Variants in EFCAB8 observed in about 807,000 individuals in gnomAD.
EFCAB8 encodes the protein EF-hand calcium binding domain 8, also known as EF-hand calcium-binding domain-containing protein 8.
In EFCAB8, 100 loss-of-function variants were observed where a neutral mutation model predicts 116.3. That is an observed-to-expected ratio of 0.86 (90% CI 0.73 to 1.02). The LOEUF is 1.02. Ranked by LOEUF, EFCAB8 falls within the 50% of genes least tolerant of loss-of-function variation. The probability of loss-of-function intolerance (pLI) is 0.00; values close to 1 mark genes in which losing one functional copy is unlikely to be tolerated. For missense variants in EFCAB8, 1,320 were observed against 1,416.9 expected, an observed-to-expected ratio of 0.93 and a Z score of 1.10; for synonymous variants, 558 against 567.9, an observed-to-expected ratio of 0.98 and a Z score of 0.25.
chr20:32,872,438 A>G (rs11700082), intron 3 of EFCAB8, among the ~76,000 whole-genome samples: 62,338 of 152,124 alleles, frequency 0.41, 15,240 homozygotes, highest in Non-Finnish European at 0.55. Flanking sequence ...CAACAGGCTC[A>G]TGCCTGCCAT....
At position 32,899,335 on chromosome 20, in the gene EFCAB8, G is replaced by A. The variant is rs955890901; in HGVS notation, c.1088+712G>A. On this transcript the variant is annotated intron_variant, in intron 11 of 26. Coordinates refer to ENST00000400522, the MANE Select transcript of EFCAB8 (RefSeq NM_001143967.2). ...CAGGAGAATGGTGTGAACCCAGGAG[G>A]TGGAGCTTGCAGTGAGCCGAGATTG... Among the ~76,000 whole-genome samples, 100 of 150,272 alleles carry A rather than the reference G, an allele frequency of 6.7e-4. 1 individual carries two copies. The highest frequency in any genetic ancestry group is 1.4e-3 in the Non-Finnish European group (92 of 67,776).
chr20:32,910,260 G>A lies in EFCAB8; in HGVS notation c.1557+329G>A, dbSNP rs974905120. Among the ~76,000 whole-genome samples, 11 of 152,190 alleles carry A rather than the reference G, an allele frequency of 7.2e-5. 1 individual carries two copies. Among genetic ancestry groups the A allele is most frequent in the South Asian group, 4.1e-4 (2 of 4,836 alleles). ...TGAGACAGAGTGCTAGTTGTGGGGCGCTTTCCTAGGTTCCCAGAGTGGGTG... is the reference window on the plus strand; with the variant it reads ...TGAGACAGAGTGCTAGTTGTGGGGCACTTTCCTAGGTTCCCAGAGTGGGTG... On this transcript the variant is annotated intron_variant, in intron 15 of 26. Coordinates refer to ENST00000400522, the MANE Select transcript of EFCAB8 (RefSeq NM_001143967.2).
intron 20 of EFCAB8, among the ~76,000 whole-genome samples, chr20:32,922,399 A>G (rs932609326): frequency 6.6e-6 from 1 of 152,206 alleles, no homozygotes; most frequent in Non-Finnish European, 1.5e-5. Context: ...CTTTTGGGCT[A>G]GTGACCTAGT....
At chr20:32,901,800 G>T (rs1986441681) in intron 11 of EFCAB8, among the ~76,000 whole-genome samples, 1 of 152,188 alleles carries the variant, frequency 6.6e-6, no homozygotes, top group African/African-American at 2.4e-5. Flanking sequence ...CGATTCTCCT[G>T]CCTCAGCCTC....
At chr20:32,863,390 C>G (rs888146246) in intron 1 of EFCAB8, among the ~76,000 whole-genome samples, 1 of 152,034 alleles carries the variant, frequency 6.6e-6, no homozygotes, top group Admixed American at 6.6e-5. Flanking sequence ...ATGAGGAGCC[C>G]TCATTTTTCT....
chr20:32,933,863 A>G (rs1011804148), intron 22 of EFCAB8, among the ~76,000 whole-genome samples: 3 of 152,156 alleles, frequency 2.0e-5, no homozygotes, highest in Non-Finnish European at 2.9e-5. Flanking sequence ...CTGTAATCCC[A>G]GCTACTCTGG....
intron 6 of EFCAB8, among the ~76,000 whole-genome samples, chr20:32,887,188 T>C (rs1239399589): frequency 3.3e-5 from 5 of 152,208 alleles, no homozygotes; most frequent in Non-Finnish European, 7.4e-5. Context: ...TCTAGAGGAA[T>C]TGGTTTACGC....
intron 15 of EFCAB8, 69 bp from the exon 16 acceptor site, chr20:32,911,411 G>T: frequency 2.2e-6 from 3 of 1,369,800 alleles, no homozygotes; most frequent in South Asian, 1.6e-5. Flanking sequence ...GCCAAGGCAG[G>T]CTGGAGACCA....
intron 20 of EFCAB8, among the ~76,000 whole-genome samples, chr20:32,924,479 G>A (rs41492345): frequency 0.083 from 12,588 of 152,212 alleles, 685 homozygotes; most frequent in Admixed American, 0.14. Context: ...TATGTGAAAA[G>A]AATGTTTAAT....
chr20:32,954,627 C>T (rs1035950452), intron 23 of EFCAB8, among the ~76,000 whole-genome samples: 6 of 152,124 alleles, frequency 3.9e-5, no homozygotes, highest in African/African-American at 1.4e-4. Context: ...TTAGATTTCC[C>T]TCTAGAAACT....
rs1293642216 is a variant in EFCAB8 at position 32,930,557 on chromosome 20, A to G, written c.2572A>G (p.Met858Val). ...CAATGGGGATGTTGTCGTGGGTGCC[A>G]TGGCCACTGATAAAAATGACTGGAT... The part of the protein sequence containing the change: ...LDNGDVVVGA[M>V]ATDKNDWILI... The change falls in exon 21 of 27, where the codon ATG (methionine) becomes GTG (valine). Residue 858 changes from methionine to valine, a missense_variant. By Grantham distance (21) the Met-to-Val change is conservative. Coordinates refer to ENST00000400522, the MANE Select transcript of EFCAB8 (RefSeq NM_001143967.2). 22 of 1,552,308 alleles carry G rather than the reference A, an allele frequency of 1.4e-5. No individual in the cohort carries two copies. The highest frequency in any genetic ancestry group is 1.8e-5 in the Non-Finnish European group (21 of 1,147,104).
intron 23 of EFCAB8, among the ~76,000 whole-genome samples, chr20:32,955,754 T>C (rs983136963): frequency 6.6e-6 from 1 of 152,100 alleles, no homozygotes; most frequent in South Asian, 2.1e-4. Context: ...TCCAACCCAG[T>C]TGGAATAAAG....
At chr20:32,914,681 C>T (rs1987101087) in intron 17 of EFCAB8, among the ~76,000 whole-genome samples, 1 of 152,076 alleles carries the variant, frequency 6.6e-6, no homozygotes, top group Non-Finnish European at 1.5e-5. Flanking sequence ...ATCATCAGGT[C>T]TTGTGAGAAC....
intron 9 of EFCAB8, among the ~76,000 whole-genome samples, chr20:32,893,920 C>T (rs904488075): frequency 6.6e-6 from 1 of 152,192 alleles, no homozygotes; most frequent in Non-Finnish European, 1.5e-5. Flanking sequence ...CACCTGTACA[C>T]GCCCCTGCCT....
intron 8 of EFCAB8, among the ~76,000 whole-genome samples, 162 bp downstream of exon 8, chr20:32,892,459 G>A (rs1026312513): frequency 6.6e-6 from 1 of 152,088 alleles, no homozygotes; most frequent in East Asian, 1.9e-4. Flanking sequence ...TCCCCACCAG[G>A]CTGCTTCTCT....
chr20:32,939,187 C>CTTT (rs1459924203), intron 22 of EFCAB8, among the ~76,000 whole-genome samples: 1 of 67,608 alleles, frequency 1.5e-5, no homozygotes, highest in Non-Finnish European at 2.9e-5. Context: ...TTCTTTCTTT[C>CTTT]TTTCTTTCTT....
At chr20:32,901,642 G>A (rs1986433317) in intron 11 of EFCAB8, among the ~76,000 whole-genome samples, 1 of 152,230 alleles carries the variant, frequency 6.6e-6, no homozygotes, top group Non-Finnish European at 1.5e-5. Flanking sequence ...CAGGGCCTTT[G>A]CACAGCTCCG....
intron 1 of EFCAB8, among the ~76,000 whole-genome samples, chr20:32,859,377 A>G (rs910766149): frequency 7.2e-5 from 11 of 152,106 alleles, no homozygotes; most frequent in East Asian, 1.9e-4. Context: ...CGAGTTTTAC[A>G]TCTCAGCCTT....
chr20:32,930,382 C>T lies in EFCAB8; in HGVS notation c.2413-16C>T. 6.5e-7 allele frequency: 1 copy of T among 1,546,908 alleles called. No individual in the cohort carries two copies. The highest frequency in any genetic ancestry group is 8.7e-7 in the Non-Finnish European group (1 of 1,146,034). On this transcript the variant is annotated splice_polypyrimidine_tract_variant and intron_variant, in intron 20 of 26. Transcript: ENST00000400522. ...GCTCACAGCCCTGCTGAGCCGGGCC[C>T]TCCTCTCTTCCTCAGATAATCTTCC...
Sources: gnomAD v4.1 joint callset for allele counts (sites outside exome capture counted in the v4.1 genomes callset) on GRCh38, gnomAD v4.1.1 for gene constraint, MANE v1.5 for transcripts, NCBI Gene and HGNC (gene_info 2026-07-23, HGNC 2026-07-21) for gene names.